Variants in RTN4IP1 observed in about 807,000 individuals in gnomAD.
RTN4IP1 encodes the protein reticulon 4 interacting protein 1.
A neutral mutation model predicts 46.6 loss-of-function variants in RTN4IP1; 32 were observed. That is an observed-to-expected ratio of 0.69 (90% CI 0.52 to 0.92). RTN4IP1 has a LOEUF of 0.92. RTN4IP1 is among the 40% of genes least tolerant of loss of function. RTN4IP1 has a pLI of 0.00. For missense variants in RTN4IP1, 424 were observed against 485.8 expected, an observed-to-expected ratio of 0.87 and a Z score of 1.20; for synonymous variants, 167 against 161.8, an observed-to-expected ratio of 1.03 and a Z score of -0.24.
At chr6:106,629,641 C>T (rs761223504), upstream of RTN4IP1, 2 of 1,586,094 alleles carry the variant, frequency 1.3e-6, no homozygotes, top group East Asian at 2.3e-5. Flanking sequence ...TCTTTTTCCC[C>T]CTTGCCTGGC....
upstream of RTN4IP1, chr6:106,629,578 A>C: frequency 7.1e-7 from 1 of 1,403,856 alleles, no homozygotes; most frequent in Non-Finnish European, 9.8e-7. Context: ...TGAAGGGCTC[A>C]GTGACAATTA....
chr6:106,586,985 C>T (rs938936982), intron 7 of RTN4IP1, among the ~76,000 whole-genome samples: 1 of 152,174 alleles, frequency 6.6e-6, no homozygotes, highest in Admixed American at 6.5e-5. Flanking sequence ...GGCTGACTAA[C>T]CAAGTCCCAG....
rs1426364553 is a variant in RTN4IP1, at chr6:106,610,620, CGT to C, written c.621-7700_621-7699del. Reference sequence around the variant, plus strand: ...AAGCCTATTTGTGATAGTGAAGAAACGTGTGCTGTATTTGTTGGTTTATATAA... The same window carrying C: ...AAGCCTATTTGTGATAGTGAAGAAACGTGCTGTATTTGTTGGTTTATATAA... On this transcript the variant is annotated intron_variant, in intron 4 of 8. Transcript: ENST00000369063. 3.3e-5 allele frequency among the ~76,000 whole-genome samples: 5 copies of C among 152,206 alleles called. No homozygotes were observed. In the South Asian group the frequency reaches 6.2e-4, roughly 19 times the overall value.
intron 8 of RTN4IP1, among the ~76,000 whole-genome samples, chr6:106,575,185 C>T (rs572284241): frequency 5.3e-5 from 8 of 152,276 alleles, no homozygotes; most frequent in East Asian, 1.9e-4. Context: ...TATGTGATGA[C>T]GCTGCTATAG....
At chr6:106,630,310 A>C (rs181487548), upstream of RTN4IP1, among the ~76,000 whole-genome samples, 30 of 152,290 alleles carry the variant, frequency 2.0e-4, no homozygotes, top group Admixed American at 1.1e-3. Flanking sequence ...TGAAGTAATC[A>C]TTGTAACAGG....
In RTN4IP1 at chr6:106,571,917, A is replaced by C. The variant is rs1775073778; in HGVS notation, c.*79T>G. 3 of 866,394 alleles carry C rather than the reference A, an allele frequency of 3.5e-6. No individual in the cohort carries two copies. The highest frequency in any genetic ancestry group is 4.1e-5 in the Admixed American group (2 of 48,742). 53.7% of individuals were successfully genotyped at this position (866,394 alleles called of 1,614,324 possible). A position where few individuals can be genotyped will look rare whatever the true frequency, so the allele number is the denominator to read the frequency against. The stretch of plus-strand genomic sequence containing the variant: ...AATCTAATCTGGAAAAATGTTTGAA[A>C]GGGATGGCTAGAAAAAAATTTGGGC... On this transcript the variant is annotated 3_prime_UTR_variant, in exon 9 of 9. Transcript: ENST00000369063.
At chr6:106,577,682 A>C (rs766006199) in intron 8 of RTN4IP1, among the ~76,000 whole-genome samples, 9 of 152,092 alleles carry the variant, frequency 5.9e-5, no homozygotes, top group Non-Finnish European at 1.0e-4. Flanking sequence ...TGATTAAGTT[A>C]AGGATCCTGA....
At chr6:106,602,235 T>G (rs1775965529) in intron 5 of RTN4IP1, among the ~76,000 whole-genome samples, 1 of 152,160 alleles carries the variant, frequency 6.6e-6, no homozygotes, top group Non-Finnish European at 1.5e-5. Context: ...TCCCCTGTGA[T>G]TCCACATGCA....
At chr6:106,604,744 T>C (rs1776021480) in intron 4 of RTN4IP1, among the ~76,000 whole-genome samples, 2 of 152,158 alleles carry the variant, frequency 1.3e-5, no homozygotes, top group African/African-American at 4.8e-5. Flanking sequence ...AATTTGCTCT[T>C]CCTCTAAAAT....
At chr6:106,575,554 A>C (rs1267440469) in intron 8 of RTN4IP1, among the ~76,000 whole-genome samples, 3 of 152,188 alleles carry the variant, frequency 2.0e-5, no homozygotes, top group African/African-American at 7.2e-5. Context: ...GCTTCGGAAG[A>C]CGGTACAGAA....
At chr6:106,617,775 G>C (rs780392900) in intron 4 of RTN4IP1, among the ~76,000 whole-genome samples, 44 of 152,144 alleles carry the variant, frequency 2.9e-4, no homozygotes, top group Admixed American at 1.8e-3. Flanking sequence ...CCCTGAACCA[G>C]TAAAAGAAAT....
intron 6 of RTN4IP1, 102 bp from the exon 7 acceptor site, chr6:106,587,964 G>A (rs1775527738): frequency 1.9e-6 from 2 of 1,053,954 alleles, no homozygotes; most frequent in South Asian, 3.3e-5. Flanking sequence ...TTATTTCAGT[G>A]ACAAATCTTA....
At position 106,571,947 on chromosome 6, in the gene RTN4IP1, A is replaced by G. The variant is rs112204349; in HGVS notation, c.*49T>C. 1.8e-5 allele frequency: 26 copies of G among 1,408,606 alleles called. No individual in the cohort carries two copies. The African/African-American group carries it at 2.6e-4, about 14-fold the overall frequency. The allele number at this position is 1,408,606 out of a possible 1,614,324, so 87.3% of individuals were successfully genotyped here. ...TGGCTAGAAAAAAATTTGGGCTCACAGGCACTCACCAAATAAGAACGTCAA... is the reference window on the plus strand; with the variant it reads ...TGGCTAGAAAAAAATTTGGGCTCACGGGCACTCACCAAATAAGAACGTCAA... On this transcript the variant is annotated 3_prime_UTR_variant, in exon 9 of 9. Coordinates refer to ENST00000369063, the MANE Select transcript of RTN4IP1 (RefSeq NM_032730.5).
upstream of RTN4IP1, chr6:106,629,600 G>A: frequency 1.3e-6 from 2 of 1,514,004 alleles, no homozygotes; most frequent in African/African-American, 1.4e-5. Flanking sequence ...AGATGGCTGC[G>A]CCCATGTAAC....
At chr6:106,579,106 G>T (rs1289301112) in intron 8 of RTN4IP1, among the ~76,000 whole-genome samples, 2 of 151,896 alleles carry the variant, frequency 1.3e-5, no homozygotes, top group East Asian at 3.9e-4. Flanking sequence ...CGTGGTGGCA[G>T]GCGCCTGTAG....
chr6:106,613,988 T>C (rs145109727), intron 4 of RTN4IP1, among the ~76,000 whole-genome samples: 1 of 152,286 alleles, frequency 6.6e-6, no homozygotes, highest in African/African-American at 2.4e-5. Flanking sequence ...ATCAGACCAA[T>C]GTAAATCTTA....
chr6:106,580,467 C>T (rs188215031), intron 8 of RTN4IP1, among the ~76,000 whole-genome samples: 1 of 151,748 alleles, frequency 6.6e-6, no homozygotes, highest in African/African-American at 2.4e-5. Flanking sequence ...GTCTGTAATC[C>T]CAGCACTTTG....
upstream of RTN4IP1, chr6:106,629,646 C>T (rs1420719125): frequency 1.9e-6 from 3 of 1,591,666 alleles, no homozygotes; most frequent in African/African-American, 1.3e-5. Context: ...TTCCCCCTTG[C>T]CTGGCTCCTG....
chr6:106,614,959 AC>A (rs1056785373), intron 4 of RTN4IP1, among the ~76,000 whole-genome samples: 2 of 77,330 alleles, frequency 2.6e-5, no homozygotes, highest in African/African-American at 9.4e-5. Flanking sequence ...CACAGCCCCC[AC>A]CCCCCCACCC....
Sources: gnomAD v4.1 joint callset for allele counts (sites outside exome capture counted in the v4.1 genomes callset) on GRCh38, gnomAD v4.1.1 for gene constraint, MANE v1.5 for transcripts, NCBI Gene and HGNC (gene_info 2026-07-23, HGNC 2026-07-21) for gene names.